The following ODAD2 variants were observed in gnomAD, a reference collection of about 807,000 sequenced individuals.
ODAD2 encodes outer dynein arm-docking complex subunit 2.
ODAD2 carries 89 observed loss-of-function variants against 106.8 expected under a neutral mutation model. The observed-to-expected ratio is 0.83, with a 90% confidence interval of 0.70 to 0.99. ODAD2 has a LOEUF of 0.99. Among genes scored for constraint, ODAD2 ranks in the 50% least tolerant of loss-of-function variants. The pLI is 0.00. For synonymous variants in ODAD2, 404 were observed against 436.2 expected (o/e 0.93, Z 0.92); for missense variants, 1,168 against 1,238.5 (o/e 0.94, Z 0.85).
At chr10:27,958,856 C>A (rs959728583) in intron 10 of ODAD2, 1 of 1,303,622 alleles carries the variant, frequency 7.7e-7, no homozygotes, top group South Asian at 1.2e-5. Flanking sequence ...ATTGAGTAAG[C>A]GGCAGAATTT....
intron 16 of ODAD2, among the ~76,000 whole-genome samples, chr10:27,916,261 G>A (rs1249334821): frequency 6.6e-6 from 1 of 152,070 alleles, no homozygotes; most frequent in Non-Finnish European, 1.5e-5. Context: ...CCTAACATGG[G>A]GAACTAGAGC....
At chr10:27,913,219 T>G (rs2133900606) in intron 16 of ODAD2, among the ~76,000 whole-genome samples, 1 of 152,226 alleles carries the variant, frequency 6.6e-6, no homozygotes, top group South Asian at 2.1e-4. Flanking sequence ...GTACAGATTA[T>G]TTTGTTACCC....
At chr10:27,823,751 T>C (rs577937416) in intron 19 of ODAD2, among the ~76,000 whole-genome samples, 8 of 152,174 alleles carry the variant, frequency 5.3e-5, no homozygotes, top group Non-Finnish European at 8.8e-5. Flanking sequence ...TCTAGTTACA[T>C]TGAAAATTAA....
At chr10:27,880,564 C>A (rs1367130327) in intron 17 of ODAD2, among the ~76,000 whole-genome samples, 1 of 152,072 alleles carries the variant, frequency 6.6e-6, no homozygotes, top group Non-Finnish European at 1.5e-5. Context: ...GATGTGGGAC[C>A]TTTAGGAGCT....
At chr10:27,873,694 A>G (rs1022067387) in intron 17 of ODAD2, among the ~76,000 whole-genome samples, 1 of 152,150 alleles carries the variant, frequency 6.6e-6, no homozygotes, top group Non-Finnish European at 1.5e-5. Context: ...CCTGAGTTCT[A>G]GTTTGATTGC....
intron 17 of ODAD2, among the ~76,000 whole-genome samples, chr10:27,893,490 T>A (rs1397531252): frequency 6.6e-6 from 1 of 152,200 alleles, no homozygotes; most frequent in African/African-American, 2.4e-5. Flanking sequence ...CATGTGGCTC[T>A]CAGCTATAAT....
At position 27,930,457 on chromosome 10, in the gene ODAD2, T is replaced by G. The variant is rs368062829; in HGVS notation, c.2495+4553A>C. The stretch of plus-strand genomic sequence containing the variant: ...TGAGCCCAAGCATTCAAGGCTGCAG[T>G]GAACAATGATGGCACCACTGCACTC... On this transcript the variant is annotated intron_variant, in intron 16 of 19. Transcript: ENST00000305242. Among the ~76,000 whole-genome samples, 70 of 151,836 alleles carry G rather than the reference T, an allele frequency of 4.6e-4. 2 individuals are homozygous for G. In the East Asian group the frequency reaches 9.4e-3, roughly 20 times the overall value.
At chr10:27,959,256 G>A (rs984034261) in intron 10 of ODAD2, among the ~76,000 whole-genome samples, 1 of 136,212 alleles carries the variant, frequency 7.3e-6, no homozygotes, top group Non-Finnish European at 1.5e-5. Flanking sequence ...AAGAAAGAAG[G>A]AAAGAAAGAA....
intron 17 of ODAD2, among the ~76,000 whole-genome samples, chr10:27,890,419 C>G (rs2133697019): frequency 6.6e-6 from 1 of 152,268 alleles, no homozygotes; most frequent in South Asian, 2.1e-4. Context: ...ACCAACTGTG[C>G]TTTCAAAATT....
rs61729351 is a variant in ODAD2, at chr10:27,994,938, C to T, written c.205G>A (p.Glu69Lys). 1.2e-5 allele frequency: 20 copies of T among 1,614,148 alleles called. No homozygotes were observed. Among genetic ancestry groups the T allele is most frequent in the Non-Finnish European group, 1.6e-5 (19 of 1,180,020 alleles). The stretch of plus-strand genomic sequence containing the variant: ...GCTTACCTGACAACATAACCTGATT[C>T]AAATGCTGAGGGCGCCAAACTTGTG... ...WNTSLAPSAF[E>K]SGYVVSETTV... Residue 69 changes from glutamate (E) to lysine (K), a missense_variant, in exon 2 of 20, where the codon GAA (glutamate) becomes AAA (lysine). Coordinates refer to ENST00000305242, the MANE Select transcript of ODAD2 (RefSeq NM_018076.5).
intron 17 of ODAD2, among the ~76,000 whole-genome samples, chr10:27,888,626 C>T (rs1406747371): frequency 6.6e-6 from 1 of 151,866 alleles, no homozygotes; most frequent in Non-Finnish European, 1.5e-5. Context: ...TCTATTTATT[C>T]CGTTAATTAT....
At chr10:27,834,135 A>C (rs1181173262) in intron 19 of ODAD2, among the ~76,000 whole-genome samples, 1 of 152,208 alleles carries the variant, frequency 6.6e-6, no homozygotes, top group Non-Finnish European at 1.5e-5. Flanking sequence ...TTGCCAAGAC[A>C]AGTCCTATGA....
chr10:27,953,471 A>C (rs945900750), intron 10 of ODAD2, among the ~76,000 whole-genome samples: 3 of 152,194 alleles, frequency 2.0e-5, no homozygotes, highest in African/African-American at 7.2e-5. Context: ...TAATGTATAT[A>C]TCCAAACAAT....
chr10:27,838,438 T>C (rs986150468), intron 19 of ODAD2, among the ~76,000 whole-genome samples: 5 of 152,204 alleles, frequency 3.3e-5, no homozygotes, highest in South Asian at 2.1e-4. Flanking sequence ...GAACAAATAG[T>C]TGTTGGTGTT....
At chr10:27,900,812 T>C (rs1296018459) in intron 17 of ODAD2, among the ~76,000 whole-genome samples, 1 of 152,110 alleles carries the variant, frequency 6.6e-6, no homozygotes, top group Non-Finnish European at 1.5e-5. Context: ...TATGGGACTA[T>C]GTGAAAAGAC....
chr10:27,966,166 TA>T (rs1490429574), intron 9 of ODAD2, among the ~76,000 whole-genome samples: 3 of 152,192 alleles, frequency 2.0e-5, no homozygotes, highest in Non-Finnish European at 4.4e-5. Context: ...AATTTGTGTG[TA>T]AAACACTATG....
chr10:27,918,321 T>C (rs1243947725), intron 16 of ODAD2, among the ~76,000 whole-genome samples: 1 of 151,894 alleles, frequency 6.6e-6, no homozygotes, highest in Non-Finnish European at 1.5e-5. Flanking sequence ...TAATGCAATA[T>C]GATCAGAGTG....
intron 19 of ODAD2, among the ~76,000 whole-genome samples, chr10:27,818,721 C>T (rs1465178917): frequency 3.9e-5 from 6 of 152,218 alleles, no homozygotes; most frequent in Admixed American, 1.3e-4. Flanking sequence ...CATGGCCACC[C>T]GCCTCGCTTC....
intron 17 of ODAD2, among the ~76,000 whole-genome samples, chr10:27,885,534 AT>A (rs1297752555): frequency 1.9e-3 from 3 of 1,582 alleles, no homozygotes; most frequent in African/African-American, 4.0e-3. Flanking sequence ...AAAAAAAAAA[AT>A]ATATATATAT....
Sources: gnomAD v4.1 joint callset for allele counts (sites outside exome capture counted in the v4.1 genomes callset) on GRCh38, gnomAD v4.1.1 for gene constraint, MANE v1.5 for transcripts, NCBI Gene and HGNC (gene_info 2026-07-23, HGNC 2026-07-21) for gene names.